Variants in FHOD1 observed in about 807,000 individuals in gnomAD.
FHOD1 encodes the protein FH1/FH2 domain-containing protein 1.
A neutral mutation model predicts 111.6 loss-of-function variants in FHOD1; 89 were observed. That is an observed-to-expected ratio of 0.80 (90% CI 0.67 to 0.95). The LOEUF (loss-of-function observed/expected upper bound fraction) is 0.95, where lower values mean the gene tolerates loss of function less well. FHOD1 is among the 40% of genes least tolerant of loss of function. FHOD1 has a pLI of 0.00. For missense variants in FHOD1, 1,446 were observed against 1,554.2 expected, an observed-to-expected ratio of 0.93 and a Z score of 1.17; for synonymous variants, 618 against 639.0, an observed-to-expected ratio of 0.97 and a Z score of 0.50.
rs138319092 is a variant in FHOD1 at position 67,239,351 on chromosome 16, A to G, written c.305T>C (p.Ile102Thr). ...CCCTGGCCCCATCAGTTCTGACCTG[A>G]TCTCTTCATAGAAGCCCTCCAGCAT... ...REMLEGFYEE[I>T]SKGRKPTLIL... The change falls in exon 2 of 22, where the codon ATC becomes ACC. Residue 102 changes from isoleucine to threonine, a missense_variant. This residue lies in a region of FHOD1 where 234 missense variants were observed against 327.4 expected (regional missense o/e 0.71). Coordinates refer to ENST00000258201, the MANE Select transcript of FHOD1 (RefSeq NM_013241.3). 1,460 of 1,613,684 alleles carry G rather than the reference A, an allele frequency of 9.0e-4. 7 individuals are homozygous for G. The Middle Eastern group carries it at 0.024, about 27-fold the overall frequency.
intron 14 of FHOD1, 31 bp downstream of exon 14, chr16:67,232,008 C>T: frequency 1.2e-5 from 20 of 1,610,730 alleles, no homozygotes; most frequent in Non-Finnish European, 1.7e-5. Context: ...GGCCAGACCT[C>T]CCCCCAACAC....
intron 11 of FHOD1, 89 bp downstream of exon 11, chr16:67,236,468 G>A (rs1174420889): frequency 6.5e-7 from 1 of 1,550,152 alleles, no homozygotes; most frequent in African/African-American, 1.4e-5. Flanking sequence ...ACGCGTTTGG[G>A]CAGAGGAGGC....
intron 1 of FHOD1, among the ~76,000 whole-genome samples, chr16:67,246,376 A>G (rs764128838): frequency 2.0e-5 from 3 of 152,116 alleles, no homozygotes; most frequent in Non-Finnish European, 4.4e-5. Context: ...AGCGCGCCGG[A>G]AAGGGCTGCC....
rs1257374208 is a variant in FHOD1, at chr16:67,229,796, A to G, written c.3409T>C (p.Ser1137Pro). The G allele has an allele frequency of 3.1e-6, 5 of 1,614,082 alleles. No individual in the cohort carries two copies. The African/African-American group carries it at 6.7e-5, about 22-fold the overall frequency. ...ERKRSRGNRKSLRRTLKSGLG... is the reference protein window; with the variant it reads ...ERKRSRGNRKPLRRTLKSGLG... ...GGGATTGTGGGGGGTTACTTACAAG[A>G]CTTGCGGTTGCCGCGGGAACGCTTG... The change falls in exon 21 of 22, where the codon TCT becomes CCT. Residue 1137 changes from serine to proline, a missense_variant. By Grantham distance (74) the Ser-to-Pro change is moderately conservative. Around this residue, in one of 3 missense-constraint regions of FHOD1, gnomAD observed 1,085 missense variants for 1,108.8 expected, o/e 0.98. Coordinates refer to ENST00000258201, the MANE Select transcript of FHOD1 (RefSeq NM_013241.3).
At position 67,229,660 on chromosome 16, in the gene FHOD1, G is replaced by A. The variant is rs2034168220; in HGVS notation, c.3471C>T (p.Ser1157=). The change falls in exon 22 of 22, where the codon AGC becomes AGT. Residue 1157 remains serine, a synonymous_variant. Transcript: ENST00000258201. ...GDDLVQALGL[S]KGPGLEV Reference sequence around the variant, plus strand: ...TTCACACCTCCAGGCCAGGACCCTTGCTTAGTCCCAGTGCCTGCACCAGGT... The same window carrying A: ...TTCACACCTCCAGGCCAGGACCCTTACTTAGTCCCAGTGCCTGCACCAGGT... 3 of 1,614,172 alleles carry A rather than the reference G, an allele frequency of 1.9e-6. No homozygotes were observed. Among genetic ancestry groups the A allele is most frequent in the Non-Finnish European group, 8.5e-7 (1 of 1,179,994 alleles).
chr16:67,247,104 A>G (rs1388911309), intron 1 of FHOD1, 106 bp downstream of exon 1: 1 of 1,291,538 alleles, frequency 7.7e-7, no homozygotes, highest in East Asian at 2.7e-5. Context: ...ACTTTTCCGG[A>G]GAAGAACACT....
chr16:67,239,374 C>T lies in FHOD1; in HGVS notation c.282G>A (p.Met94Ile), dbSNP rs1483224603. ...TGATCTCTTCATAGAAGCCCTCCAG[C>T]ATCTCCCGCTGCTCTTCCAGGGACA... ...TELSLEEQREMLEGFYEEISK... is the reference protein window; with the variant it reads ...TELSLEEQREILEGFYEEISK... The change falls in exon 2 of 22, where the codon ATG becomes ATA. Residue 94 changes from methionine (M) to isoleucine (I), a missense_variant. Transcript: ENST00000258201. The T allele has an allele frequency of 1.2e-6, 2 of 1,614,184 alleles. No homozygotes were observed. Among genetic ancestry groups the T allele is most frequent in the Non-Finnish European group, 8.5e-7 (1 of 1,180,006 alleles).
intron 13 of FHOD1, 145 bp downstream of exon 13, chr16:67,233,512 A>G: frequency 8.5e-7 from 1 of 1,180,616 alleles, no homozygotes. Context: ...ATCCCTTGTT[A>G]GGAGACCTTG....
At position 67,231,317 on chromosome 16, in the gene FHOD1, CT is replaced by C; in HGVS notation, c.2537del (p.Lys846ArgfsTer5). 6.2e-7 allele frequency: 1 copy of C among 1,614,138 alleles called. No individual in the cohort carries two copies. The highest frequency in any genetic ancestry group is 8.5e-7 in the Non-Finnish European group (1 of 1,180,004). Reference sequence around the variant, plus strand: ...GCACCGTGTCCTTCACCTCTGACACCTTCTCCAGGTAGCTCAGCTCAAAGCC... The same window carrying C: ...GCACCGTGTCCTTCACCTCTGACACCTCTCCAGGTAGCTCAGCTCAAAGCC... ...SSGFELSYLE[K>X]VSEVKDTVRR... On this transcript the variant is annotated frameshift_variant, in exon 17 of 22. Coordinates refer to ENST00000258201, the MANE Select transcript of FHOD1 (RefSeq NM_013241.3). LOFTEE classifies it high-confidence loss of function. The surrounding 1 kb of genome is among the most constrained non-coding windows in gnomAD (Gnocchi z 4.3).
At chr16:67,232,586 C>T (rs184955564) in intron 13 of FHOD1, among the ~76,000 whole-genome samples, 205 of 151,552 alleles carry the variant, frequency 1.4e-3, no homozygotes, top group Non-Finnish European at 2.6e-3. Context: ...AGAGGGCACT[C>T]CAAGGCCCTC....
Position 67,229,560 on chromosome 16 carries a change from G to T in FHOD1, c.*76C>A. On this transcript the variant is annotated 3_prime_UTR_variant, in exon 22 of 22. Coordinates refer to ENST00000258201, the MANE Select transcript of FHOD1 (RefSeq NM_013241.3). ...CACAGAGTTCTGGGGCCAGAATTCT[G>T]CTCTGGGCCCTCCTCACTCTGTCAT... 7.4e-7 allele frequency: 1 copy of T among 1,354,944 alleles called. No individual in the cohort carries two copies. Among genetic ancestry groups the T allele is most frequent in the Non-Finnish European group, 1.1e-6 (1 of 944,430 alleles). 83.9% of individuals were successfully genotyped at this position (1,354,944 alleles called of 1,614,324 possible).
At chr16:67,230,261 C>G in intron 19 of FHOD1, 33 bp from the exon 20 acceptor site, 1 of 1,613,246 alleles carries the variant, frequency 6.2e-7, no homozygotes, top group East Asian at 2.2e-5. Flanking sequence ...CTGGGAGGAG[C>G]GAAGGAAACC....
Position 67,229,818 on chromosome 16 carries a change from C to T in FHOD1, c.3387G>A (p.Lys1129=), listed in dbSNP as rs773986113. Residue 1129 remains lysine, a synonymous_variant, in exon 21 of 22, where the codon AAG becomes AAA. Coordinates refer to ENST00000258201, the MANE Select transcript of FHOD1 (RefSeq NM_013241.3). The part of the protein sequence containing the change: ...SPRALAARER[K]RSRGNRKSLR... ...AAGACTTGCGGTTGCCGCGGGAACG[C>T]TTGCGTTCCCTAGCAGCTAAGGCAC... 63 of 1,614,112 alleles carry T rather than the reference C, an allele frequency of 3.9e-5. No individual in the cohort carries two copies. Among genetic ancestry groups the T allele is most frequent in the Non-Finnish European group, 5.9e-6 (7 of 1,180,042 alleles).
At chr16:67,233,199 G>A (rs2034345166) in intron 13 of FHOD1, among the ~76,000 whole-genome samples, 1 of 152,018 alleles carries the variant, frequency 6.6e-6, no homozygotes, top group Non-Finnish European at 1.5e-5. Flanking sequence ...TGATTCTCCT[G>A]CCTCAGCCTC....
chr16:67,246,720 A>T (rs553249842), intron 1 of FHOD1, among the ~76,000 whole-genome samples: 1 of 152,072 alleles, frequency 6.6e-6, no homozygotes, highest in South Asian at 2.1e-4. Context: ...ACTCCCATTG[A>T]CCTACAGGGT....
Position 67,236,542 on chromosome 16 carries a change from T to C in FHOD1, c.1319+15A>G, listed in dbSNP as rs77007840. On this transcript the variant is annotated intron_variant, in intron 11 of 21. Coordinates refer to ENST00000258201, the MANE Select transcript of FHOD1 (RefSeq NM_013241.3). ...GGAGAGAGGACTCCAGGGTGGCCTC[T>C]GTCTCCCTACTTACTTGTAGATGCT... 0.037 allele frequency: 59,574 copies of C among 1,609,672 alleles called. 1,195 individuals carry two copies. Among genetic ancestry groups the C allele is most frequent in the Admixed American group, 0.044 (2,638 of 59,446 alleles).
chr16:67,241,117 C>T (rs527536692), intron 1 of FHOD1, among the ~76,000 whole-genome samples: 1 of 127,170 alleles, frequency 7.9e-6, no homozygotes, highest in Admixed American at 7.5e-5. Context: ...TTGGATGACC[C>T]CCCCCCCCGC....
At position 67,230,595 on chromosome 16, in the gene FHOD1, C is replaced by A; in HGVS notation, c.2858+6G>T. ...CGTCCTGCCTCTCTTGGGTCCATGCCCCTACCTATTGCAGACACGGCGGTG... is the reference window on the plus strand; with the variant it reads ...CGTCCTGCCTCTCTTGGGTCCATGCACCTACCTATTGCAGACACGGCGGTG... On this transcript the variant is annotated splice_donor_region_variant and intron_variant, in intron 18 of 21. Coordinates refer to ENST00000258201, the MANE Select transcript of FHOD1 (RefSeq NM_013241.3). 6.2e-7 allele frequency: 1 copy of A among 1,614,036 alleles called. No individual in the cohort carries two copies. Among genetic ancestry groups the A allele is most frequent in the Non-Finnish European group, 8.5e-7 (1 of 1,179,936 alleles).
rs777441924 is a variant in FHOD1 at position 67,238,286 on chromosome 16, C to G, written c.463G>C (p.Glu155Gln). 12 of 1,614,064 alleles carry G rather than the reference C, an allele frequency of 7.4e-6. No homozygotes were observed. Among genetic ancestry groups the G allele is most frequent in the Non-Finnish European group, 8.5e-7 (1 of 1,180,034 alleles). Reference protein sequence around the residue: ...IFQEDKDLVPEFVHSEGLSCL... With the variant: ...IFQEDKDLVPQFVHSEGLSCL... ...CTCAGCCCCTCTGAATGCACAAATT[C>G]AGGCACCAGGTCTTTGTCCTCCTAG... The change falls in exon 5 of 22, where the codon GAA becomes CAA. Residue 155 changes from glutamate (E) to glutamine (Q), a missense_variant. By Grantham distance (29) the Glu-to-Gln change is conservative. Transcript: ENST00000258201. The surrounding 1 kb of genome is among the most constrained non-coding windows in gnomAD (Gnocchi z 4.2).
Sources: allele counts gnomAD v4.1 joint callset (sites outside exome capture counted in the v4.1 genomes callset), GRCh38; gene constraint gnomAD v4.1.1; regional missense constraint gnomAD v4.1.1; non-coding constraint Gnocchi (gnomAD v3.1); transcripts MANE v1.5; gene names NCBI Gene and HGNC (gene_info 2026-07-23, HGNC 2026-07-21).